The following MRPS28 variants were observed in gnomAD, a reference collection of about 807,000 sequenced individuals.
MRPS28 encodes the protein small ribosomal subunit protein bS1m.
MRPS28 carries 7 observed loss-of-function variants against 10.8 expected under a neutral mutation model. The observed-to-expected ratio is 0.65, with a 90% CI of 0.37 to 1.22. The LOEUF (loss-of-function observed/expected upper bound fraction) is 1.22. Among genes scored for constraint, MRPS28 ranks in the 50% most tolerant of loss-of-function variants. The pLI is 0.02. For synonymous variants in MRPS28, 121 were observed against 93.3 expected (o/e 1.30, Z -1.71); for missense variants, 265 against 232.9 (o/e 1.14, Z -0.90).
chr8:79,976,941 A>G (rs1185016418), intron 2 of MRPS28, among the ~76,000 whole-genome samples: 1 of 152,216 alleles, frequency 6.6e-6, no homozygotes, highest in African/African-American at 2.4e-5. Context: ...TCAGGAAATA[A>G]TCCTAGAAGT....
intron 1 of MRPS28, among the ~76,000 whole-genome samples, chr8:80,012,603 C>T (rs566123261): frequency 4.3e-4 from 66 of 152,300 alleles, no homozygotes; most frequent in South Asian, 8.3e-4. Context: ...ACTAACTGAG[C>T]TGTCACAGGT....
At chr8:79,967,100 A>G (rs1198388933) in intron 2 of MRPS28, among the ~76,000 whole-genome samples, 1 of 152,202 alleles carries the variant, frequency 6.6e-6, no homozygotes. Flanking sequence ...AACATATCCT[A>G]GTAGCATATC....
intron 1 of MRPS28, among the ~76,000 whole-genome samples, chr8:80,004,487 C>T (rs1398618135): frequency 2.0e-5 from 3 of 152,272 alleles, no homozygotes; most frequent in East Asian, 1.9e-4. Flanking sequence ...CCCATCTGTA[C>T]GTCACCATCA....
chr8:80,020,327 G>T (rs889039178), intron 1 of MRPS28, among the ~76,000 whole-genome samples: 1 of 152,156 alleles, frequency 6.6e-6, no homozygotes, highest in Admixed American at 6.5e-5. Context: ...AATGAGGCAC[G>T]TCTGGCTCCC....
At chr8:79,941,032 A>G (rs1489311044) in intron 2 of MRPS28, among the ~76,000 whole-genome samples, 3 of 152,194 alleles carry the variant, frequency 2.0e-5, no homozygotes, top group African/African-American at 7.2e-5. Context: ...ATGCTTAAAT[A>G]TAAAAGCACT....
At chr8:79,970,380 A>G (rs1231326983) in intron 2 of MRPS28, among the ~76,000 whole-genome samples, 1 of 152,196 alleles carries the variant, frequency 6.6e-6, no homozygotes, top group African/African-American at 2.4e-5. Context: ...TTCTCTAGCT[A>G]TTTGAGCAAT....
chr8:79,947,262 A>G (rs1806942431), intron 2 of MRPS28, among the ~76,000 whole-genome samples: 1 of 152,218 alleles, frequency 6.6e-6, no homozygotes. Flanking sequence ...GAAACCAACC[A>G]AAAAGCCCTG....
chr8:79,981,505 C>T (rs1807952798), intron 2 of MRPS28, among the ~76,000 whole-genome samples: 1 of 152,072 alleles, frequency 6.6e-6, no homozygotes, highest in Non-Finnish European at 1.5e-5. Context: ...TTGTGTTTAG[C>T]TGTTAACTTT....
chr8:79,935,272 T>C (rs773448697), intron 2 of MRPS28, among the ~76,000 whole-genome samples: 17 of 152,224 alleles, frequency 1.1e-4, no homozygotes, highest in Non-Finnish European at 2.1e-4. Context: ...TGACTAGTAC[T>C]GTATGGCTGC....
intron 2 of MRPS28, among the ~76,000 whole-genome samples, chr8:79,984,451 A>C (rs1671964108): frequency 6.6e-6 from 1 of 152,216 alleles, no homozygotes; most frequent in African/African-American, 2.4e-5. Context: ...AAATGGACTA[A>C]ATGCTCCAAT....
chr8:79,923,845 G>A (rs1810160373), intron 2 of MRPS28, among the ~76,000 whole-genome samples: 1 of 152,132 alleles, frequency 6.6e-6, no homozygotes, highest in Admixed American at 6.6e-5. Context: ...CTGCATGTCT[G>A]AGCTGTATAG....
At chr8:79,964,292 A>C (rs1186356814) in intron 2 of MRPS28, among the ~76,000 whole-genome samples, 1 of 152,110 alleles carries the variant, frequency 6.6e-6, no homozygotes, top group Non-Finnish European at 1.5e-5. Context: ...ATCTCTCTTT[A>C]GGCCCACTTC....
At chr8:79,974,406 G>C in intron 2 of MRPS28, among the ~76,000 whole-genome samples, 1 of 151,944 alleles carries the variant, frequency 6.6e-6, no homozygotes, top group Non-Finnish European at 1.5e-5. Flanking sequence ...CAGGCGTGGT[G>C]GTGGGCGCCT....
intron 2 of MRPS28, among the ~76,000 whole-genome samples, chr8:79,985,435 C>A (rs533526240): frequency 0.01 from 1,575 of 152,108 alleles, 10 homozygotes; most frequent in Non-Finnish European, 0.019. Context: ...CAGAGCAGAA[C>A]TGAAGGAAAT....
intron 1 of MRPS28, among the ~76,000 whole-genome samples, chr8:80,015,235 G>T (rs72683999): frequency 0.016 from 2,504 of 152,290 alleles, 31 homozygotes; most frequent in Non-Finnish European, 0.023. Context: ...GAACTATTTT[G>T]AAATACATCA....
chr8:79,980,546 C>T (rs948404499), intron 2 of MRPS28, among the ~76,000 whole-genome samples: 1 of 152,124 alleles, frequency 6.6e-6, no homozygotes, highest in African/African-American at 2.4e-5. Context: ...ATTGAAATGG[C>T]TCTCATTTCT....
intron 1 of MRPS28, among the ~76,000 whole-genome samples, chr8:80,016,805 G>C (rs546503055): frequency 6.6e-6 from 1 of 152,054 alleles, no homozygotes; most frequent in Admixed American, 6.5e-5. Flanking sequence ...AAAACCATGA[G>C]GCAAAAACTG....
At chr8:80,028,664 C>CGGGGGGGG (rs1278468176) in intron 1 of MRPS28, 126 of 7,044 alleles carry the variant, frequency 0.018, no homozygotes, top group Middle Eastern at 0.05. Context: ...GGGGCGGGGC[C>CGGGGGGGG]GGGCGGGGTC....
intron 2 of MRPS28, among the ~76,000 whole-genome samples, chr8:79,977,571 C>G (rs1000464605): frequency 6.6e-6 from 1 of 152,204 alleles, no homozygotes; most frequent in Non-Finnish European, 1.5e-5. Context: ...AATCCCAGCA[C>G]TTTGGGAGGC....
Sources: allele counts gnomAD v4.1 joint callset (sites outside exome capture counted in the v4.1 genomes callset), GRCh38; gene constraint gnomAD v4.1.1; transcripts MANE v1.5; gene names NCBI Gene and HGNC (gene_info 2026-07-23, HGNC 2026-07-21).